The following LINS1 variants were observed in gnomAD, a reference collection of about 807,000 sequenced individuals.
LINS1 encodes the protein protein Lines homolog 1.
LINS1 carries 27 observed loss-of-function variants against 41.6 expected under a neutral mutation model. The ratio of observed to expected loss-of-function variants is 0.65; its 90% CI spans 0.48 to 0.89. The LOEUF is 0.89. Among genes scored for constraint, LINS1 ranks in the 40% least tolerant of loss-of-function variants. The pLI, the probability that LINS1 is intolerant of heterozygous loss-of-function variation, is 0.00. For missense variants in LINS1, 955 were observed against 884.1 expected, an observed-to-expected ratio of 1.08 and a Z score of -1.02; for synonymous variants, 336 against 312.9, an observed-to-expected ratio of 1.07 and a Z score of -0.78.
intron 3 of LINS1, chr15:100,576,773 C>T (rs2038210735): frequency 6.6e-6 from 1 of 152,212 alleles, no homozygotes; most frequent in African/African-American, 2.4e-5. Flanking sequence ...AGAAAATCCT[C>T]AGTAAAATAC....
chr15:100,569,181 T>C lies in LINS1; in HGVS notation c.*57A>G, dbSNP rs562696782. On this transcript the variant is annotated 3_prime_UTR_variant, in exon 7 of 7. Coordinates refer to ENST00000314742, the MANE Select transcript of LINS1 (RefSeq NM_001040616.3). ...GTGATGATTTTATACTATTACCTCA[T>C]TGAGACATAATTTATATTAAGGAAA... The C allele has an allele frequency of 9.0e-4, 1,076 of 1,202,192 alleles. 4 individuals carry two copies. The highest frequency in any genetic ancestry group is 1.8e-3 in the South Asian group (144 of 78,536). The allele number at this position is 1,202,192 out of a possible 1,614,324, so 74.5% of individuals were successfully genotyped here.
intron 1 of LINS1, among the ~76,000 whole-genome samples, chr15:100,600,551 C>CAAGAAAAAAAAAAAAAAA (rs2039436603): frequency 1.3e-5 from 1 of 79,674 alleles, no homozygotes; most frequent in African/African-American, 6.7e-5. Context: ...TGCTGTTAAG[C>CAAGAAAAAAAAAAAAAAA]AAAAAAAAAA....
chr15:100,584,824 T>C (rs1441670368), intron 1 of LINS1, among the ~76,000 whole-genome samples: 2 of 152,226 alleles, frequency 1.3e-5, no homozygotes, highest in Non-Finnish European at 2.9e-5. Flanking sequence ...AGCCCCAGGA[T>C]GTTCCACCTG....
chr15:100,590,940 A>G (rs1011327150), intron 1 of LINS1, among the ~76,000 whole-genome samples: 1 of 152,166 alleles, frequency 6.6e-6, no homozygotes, highest in African/African-American at 2.4e-5. Flanking sequence ...GCACTTTGGG[A>G]GGCCGAGGCG....
rs745371131 is a variant in LINS1 at position 100,573,912 on chromosome 15, G to A, written c.961C>T (p.Pro321Ser). 49 of 1,614,096 alleles carry A rather than the reference G, an allele frequency of 3.0e-5. No homozygotes were observed. Among genetic ancestry groups the A allele is most frequent in the Non-Finnish European group, 3.9e-5 (46 of 1,180,056 alleles). Residue 321 changes from proline to serine, a missense_variant, in exon 5 of 7, where the codon CCT becomes TCT. Physicochemically the swap from Pro to Ser is moderately conservative, Grantham distance 74. Coordinates refer to ENST00000314742, the MANE Select transcript of LINS1 (RefSeq NM_001040616.3). ...TGATGGTCTGGCGGCATTAAGGCAG[G>A]CACAGATCCACGACAGAGGTCTTCA... Reference protein sequence around the residue: ...VGEDLCRGSVPALMPPDHHVA... With the variant: ...VGEDLCRGSVSALMPPDHHVA...
rs913063409 is a variant in LINS1 at position 100,567,506 on chromosome 15, T to C, written c.*1732A>G. On this transcript the variant is annotated 3_prime_UTR_variant, in exon 7 of 7. Coordinates refer to ENST00000314742, the MANE Select transcript of LINS1 (RefSeq NM_001040616.3). The stretch of plus-strand genomic sequence containing the variant: ...GAATGTGTATTACTCCCGCCCTGCT[T>C]CTTTCCCTAAATAATTGCAAGCCCC... The C allele has an allele frequency of 6.6e-6, 1 of 152,240 alleles. No individual in the cohort carries two copies. The highest frequency in any genetic ancestry group is 2.4e-5 in the African/African-American group (1 of 41,456). 9.4% of individuals were successfully genotyped at this position (152,240 alleles called of 1,614,324 possible).
intron 1 of LINS1, among the ~76,000 whole-genome samples, chr15:100,596,155 G>T (rs971147960): frequency 6.6e-5 from 10 of 152,286 alleles, no homozygotes; most frequent in Admixed American, 2.0e-4. Flanking sequence ...TTTACCTTCA[G>T]GGCTAAAGGG....
intron 3 of LINS1, 48 bp from the exon 4 acceptor site, chr15:100,575,176 T>A (rs200348848): frequency 6.6e-7 from 1 of 1,503,908 alleles, no homozygotes; most frequent in Non-Finnish European, 9.2e-7. Context: ...ATATTTTCTT[T>A]ACATAATACA....
Position 100,569,122 on chromosome 15 carries a change from C to CAAAAAAAAAAAAAAAAAAA in LINS1, c.*115_*116insTTTTTTTTTTTTTTTTTTT, listed in dbSNP as rs56225071. The CAAAAAAAAAAAAAAAAAAA allele has an allele frequency of 2.4e-6, 1 of 425,414 alleles. No individual in the cohort carries two copies. 26.4% of individuals were successfully genotyped at this position (425,414 alleles called of 1,614,324 possible). ...TGAGCGACAGAATGAGATTCTGTCT[C>CAAAAAAAAAAAAAAAAAAA]AAAAAAAAAAAAAAAAAAGAAAACC... On this transcript the variant is annotated 3_prime_UTR_variant, in exon 7 of 7. Coordinates refer to ENST00000314742, the MANE Select transcript of LINS1 (RefSeq NM_001040616.3).
intron 1 of LINS1, among the ~76,000 whole-genome samples, chr15:100,601,407 T>C (rs1036112901): frequency 2.8e-4 from 43 of 152,226 alleles, no homozygotes; most frequent in African/African-American, 1.0e-3. Flanking sequence ...TGATAACCCA[T>C]TAATCCATGA....
rs779712690 is a variant in LINS1 at position 100,575,049 on chromosome 15, C to T, written c.569G>A (p.Cys190Tyr). The T allele has an allele frequency of 4.3e-6, 7 of 1,612,464 alleles. No individual in the cohort carries two copies. The highest frequency in any genetic ancestry group is 1.3e-5 in the African/African-American group (1 of 74,860). The change falls in exon 4 of 7, where the codon TGC becomes TAC. Residue 190 changes from cysteine to tyrosine, a missense_variant. By Grantham distance (194) the Cys-to-Tyr change is radical. Transcript: ENST00000314742. ...EYSESNKAIY[C>Y]LWTLTAIIKE... ...TATTATTGCTGTAAGAGTCCAGAGG[C>T]AGTATATTGCTTTATTACTCTCAGA...
intron 6 of LINS1, among the ~76,000 whole-genome samples, chr15:100,571,637 A>C (rs139039464): frequency 3.9e-5 from 6 of 152,330 alleles, no homozygotes; most frequent in Non-Finnish European, 8.8e-5. Flanking sequence ...GTACTGACTT[A>C]CTGGAGACCA....
At chr15:100,574,500 G>A (rs1326369543) in intron 4 of LINS1, among the ~76,000 whole-genome samples, 1 of 152,162 alleles carries the variant, frequency 6.6e-6, no homozygotes, top group African/African-American at 2.4e-5. Flanking sequence ...TTGAGGTCAG[G>A]AGTTTGAGAC....
At chr15:100,582,320 G>C (rs1257557813) in intron 1 of LINS1, among the ~76,000 whole-genome samples, 2 of 144,428 alleles carry the variant, frequency 1.4e-5, no homozygotes, top group Non-Finnish European at 3.0e-5. Flanking sequence ...CACTAGCCTA[G>C]TCTTGGTCTT....
chr15:100,599,875 G>A (rs1198149402), intron 1 of LINS1, among the ~76,000 whole-genome samples: 1 of 152,088 alleles, frequency 6.6e-6, no homozygotes, highest in Non-Finnish European at 1.5e-5. Flanking sequence ...AGACCAGCCT[G>A]GCCAACGTGG....
chr15:100,597,266 C>CT (rs377527268), intron 1 of LINS1, among the ~76,000 whole-genome samples: 107 of 142,922 alleles, frequency 7.5e-4, no homozygotes, highest in South Asian at 1.1e-3. Flanking sequence ...AAAGGCAAAT[C>CT]TTTTTTTTTT....
chr15:100,570,041 G>T lies in LINS1; in HGVS notation c.1471C>A (p.Pro491Thr). The T allele has an allele frequency of 6.4e-7, 1 of 1,564,334 alleles. No individual in the cohort carries two copies. Among genetic ancestry groups the T allele is most frequent in the Non-Finnish European group, 8.6e-7 (1 of 1,162,952 alleles). The change falls in exon 7 of 7, where the codon CCT (proline) becomes ACT (threonine). Residue 491 changes from proline to threonine, a missense_variant. Coordinates refer to ENST00000314742, the MANE Select transcript of LINS1 (RefSeq NM_001040616.3). The part of the protein sequence containing the change: ...DHHTHENGYN[P>T]HCIFLFFLKN... Reference sequence around the variant, plus strand: ...AAGAAGAACAAGAAAATACAGTGAGGATTATAGCCATTTTCATGTGTGTGA... The same window carrying T: ...AAGAAGAACAAGAAAATACAGTGAGTATTATAGCCATTTTCATGTGTGTGA...
At chr15:100,578,184 T>C (rs1398172352) in intron 3 of LINS1, among the ~76,000 whole-genome samples, 1 of 152,006 alleles carries the variant, frequency 6.6e-6, no homozygotes, top group Non-Finnish European at 1.5e-5. Flanking sequence ...GGGATCTAAT[T>C]AAACTAAAGA....
intron 5 of LINS1, 100 bp from the exon 6 acceptor site, chr15:100,572,165 C>A (rs889449076): frequency 1.3e-5 from 20 of 1,543,632 alleles, no homozygotes; most frequent in Non-Finnish European, 1.7e-5. Flanking sequence ...CCTTAAGATG[C>A]AATTATCCTA....
Sources: allele counts gnomAD v4.1 joint callset (sites outside exome capture counted in the v4.1 genomes callset), GRCh38; gene constraint gnomAD v4.1.1; transcripts MANE v1.5; gene names NCBI Gene and HGNC (gene_info 2026-07-23, HGNC 2026-07-21).